EPC1: variants seen among roughly 807,000 people sequenced by gnomAD.
EPC1 encodes the protein enhancer of polycomb 1.
EPC1 carries 12 observed loss-of-function variants against 98.4 expected under a neutral mutation model. That is an observed-to-expected ratio of 0.12 (90% CI 0.08 to 0.20). The LOEUF (loss-of-function observed/expected upper bound fraction) is 0.20. Ranked by LOEUF, EPC1 falls within the 10% of genes least tolerant of loss-of-function variation. EPC1 has a pLI of 1.00. For missense variants in EPC1, 729 were observed against 990.5 expected (o/e 0.74, Z 3.54); for synonymous variants, 357 against 363.9 (o/e 0.98, Z 0.21).
chr10:32,323,810 C>A (rs1005651177), intron 1 of EPC1, among the ~76,000 whole-genome samples: 1 of 152,198 alleles, frequency 6.6e-6, no homozygotes, highest in East Asian at 1.9e-4. Flanking sequence ...ACAGAAAATG[C>A]CACCTAACTT....
At chr10:32,352,568 TA>T (rs1277254850) in intron 1 of EPC1, among the ~76,000 whole-genome samples, 1 of 152,122 alleles carries the variant, frequency 6.6e-6, no homozygotes, top group Non-Finnish European at 1.5e-5. Flanking sequence ...ATTGACTACT[TA>T]AACTCTCTGG....
At chr10:32,314,043 A>G (rs1449267282) in intron 1 of EPC1, among the ~76,000 whole-genome samples, 1 of 152,180 alleles carries the variant, frequency 6.6e-6, no homozygotes, top group Non-Finnish European at 1.5e-5. Flanking sequence ...TTTCACAATT[A>G]ATTGCTGTAA....
At chr10:32,321,248 A>G (rs1406622860) in intron 1 of EPC1, among the ~76,000 whole-genome samples, 1 of 152,160 alleles carries the variant, frequency 6.6e-6, no homozygotes, top group East Asian at 1.9e-4. Flanking sequence ...CCCTTCACCA[A>G]GAGAGTTGAG....
chr10:32,363,930 T>A (rs1296275532), intron 1 of EPC1, among the ~76,000 whole-genome samples: 6 of 137,036 alleles, frequency 4.4e-5, no homozygotes, highest in African/African-American at 1.6e-4. Flanking sequence ...TCAGTGGGAA[T>A]AAAAAACAAA....
At chr10:32,272,194 A>C (rs779621469) in intron 11 of EPC1, 27 bp from the exon 12 acceptor site, 10 of 1,581,008 alleles carry the variant, frequency 6.3e-6, no homozygotes, top group African/African-American at 1.4e-5. Context: ...AAAGAAATCT[A>C]ATCAGTATCA....
At position 32,290,442 on chromosome 10, in the gene EPC1, G is replaced by A. The variant is rs549705092; in HGVS notation, c.975+721C>T. On this transcript the variant is annotated intron_variant, in intron 6 of 13. Transcript: ENST00000319778. ...TGGAGGTTGCAGTGTGCTGAGATCC[G>A]GCCACTGCACTCCAGCCCGGGTGAC... 2.4e-4 allele frequency among the ~76,000 whole-genome samples: 31 copies of A among 127,394 alleles called. No homozygotes were observed. In the East Asian group the frequency reaches 3.7e-3, roughly 15 times the overall value. The allele number at this position is 127,394 out of a possible 152,430, so 83.6% of individuals were successfully genotyped here.
chr10:32,359,783 A>G (rs1040584675), intron 1 of EPC1, among the ~76,000 whole-genome samples: 7 of 152,236 alleles, frequency 4.6e-5, no homozygotes, highest in Non-Finnish European at 8.8e-5. Flanking sequence ...AATACCTGAA[A>G]GATACTATAT....
chr10:32,300,768 A>G (rs1279859567), intron 2 of EPC1, among the ~76,000 whole-genome samples: 1 of 152,038 alleles, frequency 6.6e-6, no homozygotes, highest in Non-Finnish European at 1.5e-5. Context: ...TAATTATTGT[A>G]CTTTTATTGT....
intron 1 of EPC1, among the ~76,000 whole-genome samples, chr10:32,314,224 T>C (rs1229033029): frequency 4.6e-5 from 7 of 152,182 alleles, no homozygotes; most frequent in East Asian, 3.9e-4. Flanking sequence ...ATTAAGCAAA[T>C]AGCTTAAAAG....
At chr10:32,307,219 C>T (rs1017170122) in intron 1 of EPC1, among the ~76,000 whole-genome samples, 7 of 152,134 alleles carry the variant, frequency 4.6e-5, no homozygotes, top group African/African-American at 1.7e-4. Flanking sequence ...AGGGAAAAAA[C>T]TCTGGCAACA....
intron 6 of EPC1, 93 bp from the exon 7 acceptor site, chr10:32,287,367 T>A: frequency 8.1e-7 from 1 of 1,229,904 alleles, no homozygotes; most frequent in Non-Finnish European, 1.2e-6. Context: ...TTTATTGCTA[T>A]AATGAGGGCA....
At chr10:32,291,124 C>A in intron 6 of EPC1, 39 bp downstream of exon 6, 2 of 1,550,098 alleles carry the variant, frequency 1.3e-6, no homozygotes, top group Non-Finnish European at 1.8e-6. Flanking sequence ...AAAATACCAT[C>A]CCATTATTAG....
At chr10:32,288,031 T>C (rs766747016) in intron 6 of EPC1, among the ~76,000 whole-genome samples, 59 of 152,270 alleles carry the variant, frequency 3.9e-4, no homozygotes, top group Admixed American at 1.6e-3. Flanking sequence ...GTGGCAAAAA[T>C]TGTATTTGTT....
At chr10:32,318,164 G>A (rs534647041) in intron 1 of EPC1, among the ~76,000 whole-genome samples, 7 of 152,230 alleles carry the variant, frequency 4.6e-5, no homozygotes, top group South Asian at 2.1e-4. Flanking sequence ...TAGAAAAGCC[G>A]CAATCTAATT....
intron 1 of EPC1, among the ~76,000 whole-genome samples, chr10:32,324,336 G>A (rs1050851189): frequency 2.0e-5 from 3 of 150,610 alleles, no homozygotes; most frequent in Non-Finnish European, 4.4e-5. Context: ...CGGGTGGATC[G>A]CCTGAGGTCA....
intron 1 of EPC1, among the ~76,000 whole-genome samples, chr10:32,334,442 T>C (rs190762615): frequency 1.2e-4 from 16 of 132,970 alleles, no homozygotes; most frequent in Non-Finnish European, 2.1e-4. Flanking sequence ...GATAAGACTT[T>C]TGAATATAAC....
At chr10:32,321,254 T>C (rs569065120) in intron 1 of EPC1, among the ~76,000 whole-genome samples, 8 of 152,076 alleles carry the variant, frequency 5.3e-5, no homozygotes, top group Non-Finnish European at 7.4e-5. Context: ...ACCAAGAGAG[T>C]TGAGTAGTGA....
intron 1 of EPC1, among the ~76,000 whole-genome samples, chr10:32,353,109 C>T (rs1341918362): frequency 2.0e-5 from 3 of 149,966 alleles, no homozygotes; most frequent in Admixed American, 6.7e-5. Context: ...GAGCCAAGAT[C>T]GCGCCATTGC....
intron 1 of EPC1, among the ~76,000 whole-genome samples, chr10:32,374,915 A>G (rs528016728): frequency 6.6e-6 from 1 of 152,302 alleles, no homozygotes. Context: ...CAAATCAATT[A>G]TAAAATCTGC....
Sources: gnomAD v4.1 joint callset for allele counts (sites outside exome capture counted in the v4.1 genomes callset) on GRCh38, gnomAD v4.1.1 for gene constraint, MANE v1.5 for transcripts, NCBI Gene and HGNC (gene_info 2026-07-23, HGNC 2026-07-21) for gene names.